ENTHD1: variants seen among roughly 807,000 people sequenced by gnomAD.
ENTHD1 encodes the protein ENTH domain-containing protein 1.
In ENTHD1, 23 loss-of-function variants were observed where a neutral mutation model predicts 39.1. The ratio of observed to expected loss-of-function variants is 0.59; its 90% CI spans 0.42 to 0.83. ENTHD1 has a LOEUF of 0.83. Among genes scored for constraint, ENTHD1 ranks in the 40% least tolerant of loss-of-function variants. The pLI is 0.00. For missense variants in ENTHD1, 624 were observed against 705.4 expected (o/e 0.88, Z 1.31); for synonymous variants, 230 against 258.2 (o/e 0.89, Z 1.05).
chr22:39,883,003 C>CAAAAAAAAAAAAAAAAAAAAAAAAAAAA (rs58964198), intron 2 of ENTHD1, among the ~76,000 whole-genome samples: 4 of 48,258 alleles, frequency 8.3e-5, no homozygotes, highest in African/African-American at 1.3e-4. Flanking sequence ...GACTTCATCT[C>CAAAAAAAAAAAAAAAAAAAAAAAAAAAA]AAAAAAAAAA....
Position 39,867,721 on chromosome 22 carries a change from T to G in ENTHD1, c.350-5714A>C, listed in dbSNP as rs1397962153. ...GATCAAGTTTCCAGGATAGAAAACC[T>G]TCAGTTGGTTGCAGTGAGCCGAGAT... On this transcript the variant is annotated intron_variant, in intron 2 of 6. Coordinates refer to ENST00000325157, the MANE Select transcript of ENTHD1 (RefSeq NM_152512.4). The surrounding 1 kb of genome is among the most constrained non-coding windows in gnomAD (Gnocchi z 4.5). Among the ~76,000 whole-genome samples, 2 of 151,970 alleles carry G rather than the reference T, an allele frequency of 1.3e-5. No homozygotes were observed. The highest frequency in any genetic ancestry group is 2.9e-5 in the Non-Finnish European group (2 of 68,002).
chr22:39,877,060 C>T (rs1322741508), intron 2 of ENTHD1, among the ~76,000 whole-genome samples: 2 of 152,252 alleles, frequency 1.3e-5, no homozygotes, highest in South Asian at 2.1e-4. Context: ...CGAATGTTAA[C>T]GAGATTCAGG....
intron 3 of ENTHD1, among the ~76,000 whole-genome samples, chr22:39,838,889 A>C (rs1351796159): frequency 6.6e-6 from 1 of 152,156 alleles, no homozygotes; most frequent in Non-Finnish European, 1.5e-5. Context: ...ATGACTTCAG[A>C]GAGAAAAGGG....
chr22:39,848,814 A>T (rs1328863975), intron 3 of ENTHD1, among the ~76,000 whole-genome samples: 1 of 152,218 alleles, frequency 6.6e-6, no homozygotes, highest in East Asian at 1.9e-4. Flanking sequence ...CCCTATTTCA[A>T]TGTAAAAAAT....
chr22:39,783,884 C>T (rs1481966989), intron 5 of ENTHD1, among the ~76,000 whole-genome samples: 2 of 152,034 alleles, frequency 1.3e-5, no homozygotes, highest in African/African-American at 2.4e-5. Context: ...GCAACCAAAG[C>T]AAATTTAGAC....
intron 3 of ENTHD1, among the ~76,000 whole-genome samples, chr22:39,859,182 CAGTT>C (rs946622576): frequency 6.6e-6 from 1 of 152,196 alleles, no homozygotes; most frequent in Non-Finnish European, 1.5e-5. Context: ...GAATTAAAGA[CAGTT>C]AGAACCTTGC....
At chr22:39,803,840 T>G (rs2065618782) in intron 5 of ENTHD1, among the ~76,000 whole-genome samples, 1 of 152,204 alleles carries the variant, frequency 6.6e-6, no homozygotes, top group Non-Finnish European at 1.5e-5. Context: ...ATTATATGGC[T>G]TTATTGAATG....
chr22:39,813,025 C>T (rs547584425), intron 5 of ENTHD1, among the ~76,000 whole-genome samples: 6 of 152,236 alleles, frequency 3.9e-5, no homozygotes, highest in Admixed American at 2.0e-4. Flanking sequence ...TCAAGTGAGC[C>T]GCCAACCTCA....
chr22:39,805,748 G>T (rs971895265), intron 5 of ENTHD1, among the ~76,000 whole-genome samples: 3 of 152,080 alleles, frequency 2.0e-5, no homozygotes, highest in Non-Finnish European at 4.4e-5. Flanking sequence ...AAGTAACTAA[G>T]AAAACAGAAT....
intron 5 of ENTHD1, among the ~76,000 whole-genome samples, chr22:39,770,570 C>A (rs897175329): frequency 6.6e-6 from 1 of 152,126 alleles, no homozygotes; most frequent in Non-Finnish European, 1.5e-5. Context: ...GGTGACTTAT[C>A]CCTGCAGTTG....
At chr22:39,814,843 A>C (rs1235705278) in intron 5 of ENTHD1, among the ~76,000 whole-genome samples, 2 of 152,220 alleles carry the variant, frequency 1.3e-5, no homozygotes, top group African/African-American at 4.8e-5. Context: ...TTGAATAAGA[A>C]TTTCTTAAAA....
chr22:39,811,886 G>T (rs907511154), intron 5 of ENTHD1, among the ~76,000 whole-genome samples: 1 of 152,136 alleles, frequency 6.6e-6, no homozygotes, highest in Admixed American at 6.5e-5. Flanking sequence ...GGCTGAGGCA[G>T]GAGGATGCTG....
chr22:39,866,039 A>G (rs1353402227), intron 2 of ENTHD1, among the ~76,000 whole-genome samples: 1 of 152,230 alleles, frequency 6.6e-6, no homozygotes, highest in African/African-American at 2.4e-5. Flanking sequence ...GAGTATCAGG[A>G]GAAGGACTCC....
At chr22:39,816,647 C>T (rs944934092) in intron 5 of ENTHD1, among the ~76,000 whole-genome samples, 3 of 151,956 alleles carry the variant, frequency 2.0e-5, no homozygotes, top group South Asian at 2.1e-4. Context: ...TAAAACCATT[C>T]GCAAATACTT....
intron 4 of ENTHD1, among the ~76,000 whole-genome samples, chr22:39,829,596 CCAAGATCAGCCTGGT>C (rs1216831461): frequency 2.0e-5 from 3 of 151,810 alleles, no homozygotes; most frequent in Non-Finnish European, 4.4e-5. Context: ...ATCAGCCTGG[CCAAGATCAGCCTGGT>C]GAAACCCTGT....
chr22:39,839,158 G>A (rs1262377246), intron 3 of ENTHD1, among the ~76,000 whole-genome samples: 1 of 151,984 alleles, frequency 6.6e-6, no homozygotes, highest in Non-Finnish European at 1.5e-5. Context: ...GGTACATAGT[G>A]TTTCAAAATC....
intron 5 of ENTHD1, 143 bp downstream of exon 5, chr22:39,820,850 C>G: frequency 1.3e-6 from 1 of 756,178 alleles, no homozygotes; most frequent in Non-Finnish European, 1.9e-6. Flanking sequence ...AATGGTAAAA[C>G]AAGATTATAG....
chr22:39,817,735 G>T (rs2146643356), intron 5 of ENTHD1, among the ~76,000 whole-genome samples: 1 of 152,164 alleles, frequency 6.6e-6, no homozygotes, highest in Non-Finnish European at 1.5e-5. Flanking sequence ...ATTATAAACT[G>T]TATAATGGGG....
At chr22:39,819,320 G>A (rs897294507) in intron 5 of ENTHD1, among the ~76,000 whole-genome samples, 4 of 151,540 alleles carry the variant, frequency 2.6e-5, no homozygotes, top group African/African-American at 4.9e-5. Flanking sequence ...AGCCGAGATC[G>A]CGCCACTGTA....
Sources: allele counts gnomAD v4.1 joint callset (sites outside exome capture counted in the v4.1 genomes callset), GRCh38; gene constraint gnomAD v4.1.1; non-coding constraint Gnocchi (gnomAD v3.1); transcripts MANE v1.5; gene names NCBI Gene and HGNC (gene_info 2026-07-23, HGNC 2026-07-21).